LIMK1: variants seen among roughly 807,000 people sequenced by gnomAD.
LIMK1 encodes LIM domain kinase 1.
A neutral mutation model predicts 77.6 loss-of-function variants in LIMK1; 21 were observed. The observed-to-expected ratio is 0.27, with a 90% CI of 0.19 to 0.39. The LOEUF (loss-of-function observed/expected upper bound fraction) is 0.39, where lower values mean the gene tolerates loss of function less well. LIMK1 is among the 10% of genes least tolerant of loss of function. LIMK1 has a pLI of 1.00. For missense variants in LIMK1, 696 were observed against 901.6 expected (o/e 0.77, Z 2.92); for synonymous variants, 358 against 370.0 (o/e 0.97, Z 0.37).
chr7:74,095,150 G>A (rs1452167697), intron 2 of LIMK1, among the ~76,000 whole-genome samples: 1 of 152,192 alleles, frequency 6.6e-6, no homozygotes, highest in East Asian at 1.9e-4. Flanking sequence ...TTCCTGGGTA[G>A]GAAACAGCCC....
intron 5 of LIMK1, among the ~76,000 whole-genome samples, chr7:74,102,243 C>A (rs1799474183): frequency 1.3e-5 from 2 of 151,762 alleles, no homozygotes; most frequent in Non-Finnish European, 2.9e-5. Context: ...ATAATAAGTC[C>A]ATTGAATACA....
intron 10 of LIMK1, 54 bp downstream of exon 10, chr7:74,109,090 C>T (rs1432415464): frequency 1.4e-6 from 2 of 1,408,488 alleles, no homozygotes; most frequent in African/African-American, 2.8e-5. Context: ...GGCAAAGCAG[C>T]TCCCTCTGTG....
chr7:74,111,043 C>T (rs1233401731), intron 10 of LIMK1: 1 of 152,632 alleles, frequency 6.6e-6, no homozygotes, highest in Non-Finnish European at 1.5e-5. Context: ...TGAGAACAGC[C>T]TGGCCAACAT....
At position 74,121,139 on chromosome 7, in the gene LIMK1, G is replaced by A. The variant is rs1250327547; in HGVS notation, c.1782G>A (p.Arg594=). Residue 594 remains arginine (R), a splice_region_variant and synonymous_variant, in exon 16 of 16, where the codon AGG becomes AGA. Transcript: ENST00000336180. ...VRCCDLDPEK[R]PSFVKLEHWL... ...CGTTCCCCACCCACCTGTCACCCAG[G>A]CCATCCTTTGTGAAGCTGGAACACT... is the stretch of plus-strand genomic sequence containing the variant. 10 of 1,612,968 alleles carry A rather than the reference G, an allele frequency of 6.2e-6. No individual in the cohort carries two copies. Among genetic ancestry groups the A allele is most frequent in the Non-Finnish European group, 8.5e-6 (10 of 1,179,388 alleles).
chr7:74,103,848 G>A (rs893242609), intron 5 of LIMK1, among the ~76,000 whole-genome samples: 2 of 151,740 alleles, frequency 1.3e-5, no homozygotes, highest in Non-Finnish European at 2.9e-5. Flanking sequence ...AGGCTGGAGT[G>A]CAGTGACATG....
At chr7:74,093,106 G>C in intron 2 of LIMK1, 2 of 1,410,310 alleles carry the variant, frequency 1.4e-6, no homozygotes, top group South Asian at 1.6e-5. Flanking sequence ...CGCGGCTGCA[G>C]CCTCCTCCTG....
intron 5 of LIMK1, among the ~76,000 whole-genome samples, chr7:74,101,715 G>A (rs1554696588): frequency 6.6e-6 from 1 of 151,978 alleles, no homozygotes; most frequent in Admixed American, 6.6e-5. Flanking sequence ...AGCGTTTTAA[G>A]GAAGGTCTAA....
At chr7:74,105,786 C>T in intron 5 of LIMK1, 89 bp from the exon 6 acceptor site, 1 of 824,628 alleles carries the variant, frequency 1.2e-6, no homozygotes, top group Admixed American at 2.2e-5. Context: ...TCCACCTGCT[C>T]ACCCTGGATC....
rs151193296 is a variant in LIMK1 at position 74,105,861 on chromosome 7, T to C, written c.609-14T>C. On this transcript the variant is annotated splice_polypyrimidine_tract_variant and intron_variant, in intron 5 of 15. Coordinates refer to ENST00000336180, the MANE Select transcript of LIMK1 (RefSeq NM_002314.4). ...GACAGGTGGGCACTGGCCTGACCCC[T>C]GCCTTACCCACAGAGTGGATCCGGG... 422 of 1,608,872 alleles carry C rather than the reference T, an allele frequency of 2.6e-4. No homozygotes were observed. The African/African-American group carries it at 5.2e-3, about 20-fold the overall frequency.
chr7:74,113,579 T>G (rs1258127216), intron 12 of LIMK1, among the ~76,000 whole-genome samples: 4 of 151,506 alleles, frequency 2.6e-5, no homozygotes, highest in Admixed American at 6.6e-5. Flanking sequence ...GAGCTGAGAT[T>G]ATGCCACTGC....
intron 5 of LIMK1, among the ~76,000 whole-genome samples, chr7:74,103,018 C>T (rs1438225535): frequency 6.6e-6 from 1 of 152,112 alleles, no homozygotes. Context: ...CAGGCGTGCA[C>T]CATTATGCAT....
At chr7:74,086,542 G>A (rs1319205972) in intron 2 of LIMK1, among the ~76,000 whole-genome samples, 3 of 151,992 alleles carry the variant, frequency 2.0e-5, no homozygotes, top group African/African-American at 7.3e-5. Context: ...TAAATTTTGT[G>A]TAAAGACAGG....
At chr7:74,084,804 G>T (rs924972432) in intron 1 of LIMK1, among the ~76,000 whole-genome samples, 6 of 152,108 alleles carry the variant, frequency 3.9e-5, no homozygotes, top group African/African-American at 1.4e-4. Flanking sequence ...GCCCCTCCTT[G>T]GATCTCCTTC....
At chr7:74,118,158 C>T (rs573715905) in intron 13 of LIMK1, among the ~76,000 whole-genome samples, 7 of 149,830 alleles carry the variant, frequency 4.7e-5, no homozygotes, top group South Asian at 2.1e-4. Context: ...GGGCGGATCA[C>T]GAGGTCAAGA....
Position 74,106,207 on chromosome 7 carries a change from G to A in LIMK1, c.845G>A (p.Gly282Glu), listed in dbSNP as rs1799571102. ...PLSSPAYTPS[G>E]EAGSSARQKP... The stretch of plus-strand genomic sequence containing the variant: ...AGCTCTCCGGCTTATACTCCCAGCG[G>A]GGAGGCGGGCAGCTCTGCCCGGCAG... The change falls in exon 7 of 16, where the codon GGG becomes GAG. Residue 282 changes from glycine to glutamate, a missense_variant. Around this residue, in one of 3 missense-constraint regions of LIMK1, gnomAD observed 438 missense variants for 602.3 expected, o/e 0.73. Coordinates refer to ENST00000336180, the MANE Select transcript of LIMK1 (RefSeq NM_002314.4). The A allele has an allele frequency of 6.2e-7, 1 of 1,613,618 alleles. No homozygotes were observed. The highest frequency in any genetic ancestry group is 1.3e-5 in the African/African-American group (1 of 74,926).
chr7:74,100,358 A>G (rs895363445), intron 5 of LIMK1, among the ~76,000 whole-genome samples: 20 of 152,210 alleles, frequency 1.3e-4, no homozygotes, highest in Non-Finnish European at 1.9e-4. Flanking sequence ...GAGCTTTCTA[A>G]GATTTCTGTG....
intron 2 of LIMK1, among the ~76,000 whole-genome samples, chr7:74,093,665 C>T (rs1252344694): frequency 6.6e-6 from 1 of 152,188 alleles, no homozygotes; most frequent in Non-Finnish European, 1.5e-5. Flanking sequence ...TCCCCCTTCT[C>T]CTGCCCCAGC....
chr7:74,120,740 T>A, intron 14 of LIMK1, 102 bp downstream of exon 14: 1 of 1,541,158 alleles, frequency 6.5e-7, no homozygotes, highest in Non-Finnish European at 9.0e-7. Flanking sequence ...CCAGGAAGCC[T>A]GCCCACAGCA....
chr7:74,116,003 T>TG, intron 13 of LIMK1, 45 bp downstream of exon 13: 2 of 1,590,958 alleles, frequency 1.3e-6, no homozygotes, highest in African/African-American at 2.7e-5. Flanking sequence ...CGGGAAGCCA[T>TG]GGGGGAGCCC....
Sources: gnomAD v4.1 joint callset for allele counts (sites outside exome capture counted in the v4.1 genomes callset) on GRCh38, gnomAD v4.1.1 for gene constraint, gnomAD v4.1.1 regional missense constraint, MANE v1.5 for transcripts, NCBI Gene and HGNC (gene_info 2026-07-23, HGNC 2026-07-21) for gene names.